The following TIAM1 variants were observed in gnomAD, a reference collection of about 807,000 sequenced individuals.
The protein encoded by TIAM1 is rho guanine nucleotide exchange factor TIAM1.
A neutral mutation model predicts 163.5 loss-of-function variants in TIAM1; 65 were observed. That is an observed-to-expected ratio of 0.40 (90% CI 0.33 to 0.49). The LOEUF is 0.49. TIAM1 is among the 20% of genes least tolerant of loss of function. TIAM1 has a pLI of 0.77. For missense variants in TIAM1, 1,789 were observed against 2,044.7 expected, an observed-to-expected ratio of 0.87 and a Z score of 2.41; for synonymous variants, 833 against 810.1, an observed-to-expected ratio of 1.03 and a Z score of -0.48.
At chr21:31,539,205 T>C (rs2048238760) in intron 1 of TIAM1, among the ~76,000 whole-genome samples, 1 of 151,514 alleles carries the variant, frequency 6.6e-6, no homozygotes, top group East Asian at 1.9e-4. Context: ...TAAAATACCT[T>C]TGACAGAGTA....
intron 2 of TIAM1, among the ~76,000 whole-genome samples, chr21:31,286,368 A>C (rs188851854): frequency 6.6e-5 from 10 of 152,266 alleles, no homozygotes; most frequent in Admixed American, 4.6e-4. Context: ...GTTCGAGACC[A>C]GTCTGGGCAA....
intron 2 of TIAM1, among the ~76,000 whole-genome samples, chr21:31,372,056 G>A (rs1414760685): frequency 6.6e-6 from 1 of 152,186 alleles, no homozygotes; most frequent in Non-Finnish European, 1.5e-5. Context: ...GGCAATATGA[G>A]TTTGCACAGT....
chr21:31,193,475 T>G (rs2085665297), intron 13 of TIAM1, among the ~76,000 whole-genome samples: 1 of 152,158 alleles, frequency 6.6e-6, no homozygotes, highest in South Asian at 2.1e-4. Flanking sequence ...ATTTCTCAGG[T>G]GTCCTCACAA....
At chr21:31,168,654 C>T (rs999461358) in intron 15 of TIAM1, among the ~76,000 whole-genome samples, 7 of 152,176 alleles carry the variant, frequency 4.6e-5, no homozygotes, top group African/African-American at 1.7e-4. Context: ...CCTGTCTTGG[C>T]CTCCCCAAGT....
chr21:31,239,603 C>G (rs2071061941), intron 6 of TIAM1, among the ~76,000 whole-genome samples: 1 of 152,058 alleles, frequency 6.6e-6, no homozygotes, highest in African/African-American at 2.4e-5. Context: ...AAAAAGCAAG[C>G]CACAGAGTAG....
intron 20 of TIAM1, among the ~76,000 whole-genome samples, chr21:31,144,825 T>A: frequency 1.2e-5 from 1 of 81,530 alleles, no homozygotes; most frequent in African/African-American, 5.7e-5. Context: ...TGAGACTCCA[T>A]CTCAGAAAAA....
At chr21:31,438,384 G>T (rs1261343882) in intron 2 of TIAM1, among the ~76,000 whole-genome samples, 1 of 151,622 alleles carries the variant, frequency 6.6e-6, no homozygotes, top group Non-Finnish European at 1.5e-5. Context: ...TAGAGACAGG[G>T]TTTTGCCATG....
chr21:31,171,809 G>A (rs2084527023), intron 15 of TIAM1, among the ~76,000 whole-genome samples: 1 of 152,188 alleles, frequency 6.6e-6, no homozygotes, highest in South Asian at 2.1e-4. Context: ...GCCCTGCTGG[G>A]AACTCTGAGC....
chr21:31,476,841 A>C (rs1200119360), intron 1 of TIAM1, among the ~76,000 whole-genome samples: 3 of 152,158 alleles, frequency 2.0e-5, no homozygotes, highest in Non-Finnish European at 4.4e-5. Flanking sequence ...GCTGCTATGA[A>C]TTTTTAAACT....
intron 2 of TIAM1, among the ~76,000 whole-genome samples, chr21:31,361,949 TATACAC>T (rs1466563157): frequency 6.6e-6 from 1 of 152,184 alleles, no homozygotes; most frequent in Non-Finnish European, 1.5e-5. Flanking sequence ...TGTAAGTGTA[TATACAC>T]ATACACATAT....
At chr21:31,558,226 G>C (rs1214789484) in intron 1 of TIAM1, among the ~76,000 whole-genome samples, 1 of 152,160 alleles carries the variant, frequency 6.6e-6, no homozygotes, top group Non-Finnish European at 1.5e-5. Flanking sequence ...GCGAGGCGGG[G>C]ACGGGATAGG....
At chr21:31,435,198 G>C (rs899664049) in intron 2 of TIAM1, among the ~76,000 whole-genome samples, 1 of 152,132 alleles carries the variant, frequency 6.6e-6, no homozygotes, top group African/African-American at 2.4e-5. Flanking sequence ...AGCAGTCTCA[G>C]CCTTCATGTC....
At chr21:31,446,053 G>T (rs2044610642) in intron 2 of TIAM1, among the ~76,000 whole-genome samples, 1 of 152,042 alleles carries the variant, frequency 6.6e-6, no homozygotes, top group African/African-American at 2.4e-5. Context: ...CTATTCTCCT[G>T]CCTCAGCCTC....
chr21:31,440,992 C>T (rs1015036835), intron 2 of TIAM1, among the ~76,000 whole-genome samples: 2 of 152,138 alleles, frequency 1.3e-5, no homozygotes, highest in African/African-American at 2.4e-5. Flanking sequence ...AGCACCCCAT[C>T]GTGGAAGGAA....
intron 1 of TIAM1, among the ~76,000 whole-genome samples, chr21:31,487,983 C>A (rs537267302): frequency 1.1e-3 from 161 of 152,340 alleles, no homozygotes; most frequent in Non-Finnish European, 2.0e-3. Context: ...CGAGCCACTG[C>A]GCCCGGCCAC....
intron 14 of TIAM1, among the ~76,000 whole-genome samples, chr21:31,183,317 T>C (rs1257766020): frequency 6.6e-6 from 1 of 152,074 alleles, no homozygotes; most frequent in Non-Finnish European, 1.5e-5. Flanking sequence ...GGAACGACCA[T>C]GAACAAGCCC....
intron 2 of TIAM1, among the ~76,000 whole-genome samples, chr21:31,459,747 G>A (rs1367327309): frequency 6.6e-6 from 1 of 152,142 alleles, no homozygotes; most frequent in African/African-American, 2.4e-5. Context: ...TGGCCAGAGG[G>A]AGCAATGCAC....
At chr21:31,214,796 A>G (rs1326139277) in intron 9 of TIAM1, among the ~76,000 whole-genome samples, 1 of 152,192 alleles carries the variant, frequency 6.6e-6, no homozygotes, top group African/African-American at 2.4e-5. Flanking sequence ...CAATGTTTTT[A>G]ACTTTTTTTC....
chr21:31,428,836 T>C (rs986715640), intron 2 of TIAM1, among the ~76,000 whole-genome samples: 1 of 148,598 alleles, frequency 6.7e-6, no homozygotes, highest in African/African-American at 2.5e-5. Flanking sequence ...TGAGCTGAGA[T>C]CACGCCACTG....
Sources: allele counts gnomAD v4.1 joint callset (sites outside exome capture counted in the v4.1 genomes callset), GRCh38; gene constraint gnomAD v4.1.1; transcripts MANE v1.5; gene names NCBI Gene and HGNC (gene_info 2026-07-23, HGNC 2026-07-21).